Variants in ASAP1 observed in about 807,000 individuals in gnomAD.
ASAP1 encodes the protein arf-GAP with SH3 domain, ANK repeat and PH domain-containing protein 1.
ASAP1 carries 43 observed loss-of-function variants against 145.2 expected under a neutral mutation model. The observed-to-expected ratio is 0.30, with a 90% CI of 0.23 to 0.38. The LOEUF (loss-of-function observed/expected upper bound fraction) is 0.38. ASAP1 is among the 10% of genes least tolerant of loss of function. ASAP1 has a pLI of 1.00. For synonymous variants in ASAP1, 546 were observed against 515.5 expected (o/e 1.06, Z -0.80); for missense variants, 1,018 against 1,355.3 (o/e 0.75, Z 3.91).
chr8:130,397,274 G>A (rs912429359), intron 2 of ASAP1, among the ~76,000 whole-genome samples: 12 of 152,068 alleles, frequency 7.9e-5, no homozygotes, highest in Admixed American at 2.0e-4. Context: ...CCAAGCAGCT[G>A]GGACTACAGG....
At position 130,413,885 on chromosome 8, in the gene ASAP1, GATTCATTCATTC is replaced by G. The variant is rs58479009; in HGVS notation, c.-27-11927_-27-11916del. Among the ~76,000 whole-genome samples, 12 of 151,340 alleles carry G rather than the reference GATTCATTCATTC, an allele frequency of 7.9e-5. No individual in the cohort carries two copies. The East Asian group carries it at 9.7e-4, about 12-fold the overall frequency. ...TTTGACTGCATCTTCTATTTTGCCAGATTCATTCATTCATTCATTCATTCATTCATTCATTTA... is the reference window on the plus strand; with the variant it reads ...TTTGACTGCATCTTCTATTTTGCCAGATTCATTCATTCATTCATTCATTTA... On this transcript the variant is annotated intron_variant, in intron 1 of 29. Coordinates refer to ENST00000518721, the MANE Select transcript of ASAP1 (RefSeq NM_018482.4).
At chr8:130,280,175 T>A (rs1026348340) in intron 3 of ASAP1, among the ~76,000 whole-genome samples, 6 of 152,216 alleles carry the variant, frequency 3.9e-5, no homozygotes, top group Non-Finnish European at 7.3e-5. Context: ...CAGCTGGAAC[T>A]GAACAAAGAT....
chr8:130,358,508 G>A lies in ASAP1; in HGVS notation c.60-365C>T, dbSNP rs909998195. 1.4e-5 allele frequency among the ~76,000 whole-genome samples: 2 copies of A among 147,924 alleles called. No homozygotes were observed. The highest frequency in any genetic ancestry group is 3.0e-5 in the Non-Finnish European group (2 of 66,318). ...GCGGGGGTCTGGGCTCCGGCCGGCC[G>A]CTGGGGCGTGCGCGGGCTGGGCGGC... On this transcript the variant is annotated intron_variant, in intron 2 of 29. Coordinates refer to ENST00000518721, the MANE Select transcript of ASAP1 (RefSeq NM_018482.4). The surrounding 1 kb of genome is among the most constrained non-coding windows in gnomAD (Gnocchi z 4.1).
chr8:130,108,994 C>T (rs1015703195), intron 24 of ASAP1, among the ~76,000 whole-genome samples: 5 of 151,706 alleles, frequency 3.3e-5, no homozygotes, highest in Admixed American at 2.0e-4. Context: ...AGGGTGGTCT[C>T]GAACTCCCGA....
chr8:130,096,136 C>T (rs927632589), intron 24 of ASAP1, among the ~76,000 whole-genome samples: 2 of 152,082 alleles, frequency 1.3e-5, no homozygotes, highest in Admixed American at 1.3e-4. Context: ...GCTGGGAAGA[C>T]ATGAGGTAAA....
intron 2 of ASAP1, among the ~76,000 whole-genome samples, chr8:130,365,086 C>T (rs1307689087): frequency 6.6e-6 from 1 of 152,214 alleles, no homozygotes; most frequent in Non-Finnish European, 1.5e-5. Flanking sequence ...GTCTGTATCA[C>T]CTACATCCCC....
intron 11 of ASAP1, among the ~76,000 whole-genome samples, chr8:130,165,428 A>T (rs1482025551): frequency 6.6e-6 from 1 of 152,220 alleles, no homozygotes; most frequent in African/African-American, 2.4e-5. Flanking sequence ...GGGTCTTTTT[A>T]ATGCTCTTAC....
At chr8:130,165,302 G>C (rs947334406) in intron 11 of ASAP1, among the ~76,000 whole-genome samples, 2 of 152,042 alleles carry the variant, frequency 1.3e-5, no homozygotes, top group African/African-American at 4.8e-5. Context: ...CAAAACAAAG[G>C]TAGGGAGTGG....
At chr8:130,187,330 G>C in intron 6 of ASAP1, 45 bp from the exon 7 acceptor site, 1 of 1,453,006 alleles carries the variant, frequency 6.9e-7, no homozygotes, top group Non-Finnish European at 9.6e-7. Flanking sequence ...TACTTTTGCT[G>C]AAAATTAATA....
intron 11 of ASAP1, among the ~76,000 whole-genome samples, chr8:130,163,763 C>T (rs924290328): frequency 2.0e-5 from 3 of 152,064 alleles, no homozygotes; most frequent in African/African-American, 7.2e-5. Flanking sequence ...ATAGTGTTAA[C>T]GGAAATTATG....
chr8:130,276,788 A>G (rs1470396005), intron 3 of ASAP1, among the ~76,000 whole-genome samples: 2 of 148,782 alleles, frequency 1.3e-5, no homozygotes, highest in East Asian at 4.1e-4. Flanking sequence ...CCATGGCAGC[A>G]TGAGAGACCC....
intron 3 of ASAP1, among the ~76,000 whole-genome samples, chr8:130,322,774 T>G (rs1824087338): frequency 6.6e-6 from 1 of 152,178 alleles, no homozygotes; most frequent in African/African-American, 2.4e-5. Context: ...AGAGACAGGA[T>G]GCACATACGT....
intron 3 of ASAP1, among the ~76,000 whole-genome samples, chr8:130,239,868 C>A (rs1201553416): frequency 6.6e-6 from 1 of 152,094 alleles, no homozygotes; most frequent in Non-Finnish European, 1.5e-5. Context: ...AAGAGAAGAG[C>A]CAGCCTATGC....
intron 24 of ASAP1, among the ~76,000 whole-genome samples, chr8:130,094,204 T>C (rs1409214109): frequency 6.6e-6 from 1 of 152,124 alleles, no homozygotes; most frequent in African/African-American, 2.4e-5. Context: ...CTTCCCTAGG[T>C]TTATCGTTAA....
chr8:130,223,498 G>T (rs1817414133), intron 4 of ASAP1, among the ~76,000 whole-genome samples: 1 of 152,094 alleles, frequency 6.6e-6, no homozygotes, highest in Non-Finnish European at 1.5e-5. Flanking sequence ...ATTTAAACAT[G>T]GTATTTTTTG....
intron 9 of ASAP1, among the ~76,000 whole-genome samples, chr8:130,178,136 A>C (rs1814094857): frequency 6.6e-6 from 1 of 152,244 alleles, no homozygotes; most frequent in Non-Finnish European, 1.5e-5. Context: ...GAAAAGAATA[A>C]GAAAGATCAA....
chr8:130,233,618 G>A (rs1038029244), intron 4 of ASAP1, among the ~76,000 whole-genome samples: 25 of 152,012 alleles, frequency 1.6e-4, no homozygotes, highest in African/African-American at 5.8e-4. Context: ...CCTTCCTCAC[G>A]CTACCTCAGA....
At chr8:130,289,524 A>C (rs1220457715) in intron 3 of ASAP1, among the ~76,000 whole-genome samples, 1 of 152,240 alleles carries the variant, frequency 6.6e-6, no homozygotes, top group Non-Finnish European at 1.5e-5. Context: ...TACCTTGCAG[A>C]CTGGTCCAAA....
chr8:130,429,884 T>C (rs1587036888), intron 1 of ASAP1, among the ~76,000 whole-genome samples: 1 of 152,352 alleles, frequency 6.6e-6, no homozygotes, highest in East Asian at 1.9e-4. Flanking sequence ...CTCCTCAATT[T>C]GTTGTTCTCT....
Sources: gnomAD v4.1 joint callset for allele counts (sites outside exome capture counted in the v4.1 genomes callset) on GRCh38, gnomAD v4.1.1 for gene constraint, Gnocchi (gnomAD v3.1) non-coding constraint, MANE v1.5 for transcripts, NCBI Gene and HGNC (gene_info 2026-07-23, HGNC 2026-07-21) for gene names.